The following RGS7BP variants were observed in gnomAD, a reference collection of about 807,000 sequenced individuals.
RGS7BP encodes the protein regulator of G protein signaling 7-binding protein.
In RGS7BP, 9 loss-of-function variants were observed where a neutral mutation model predicts 31.3. The ratio of observed to expected loss-of-function variants is 0.29; its 90% CI spans 0.17 to 0.50. The LOEUF (loss-of-function observed/expected upper bound fraction) is 0.50. RGS7BP is among the 20% of genes least tolerant of loss of function. The probability of loss-of-function intolerance (pLI) is 0.98; values close to 1 mark genes in which losing one functional copy is unlikely to be tolerated. For synonymous variants in RGS7BP, 115 were observed against 120.1 expected (o/e 0.96, Z 0.28); for missense variants, 274 against 322.0 (o/e 0.85, Z 1.14).
At chr5:64,572,936 T>C (rs1742332666) in intron 2 of RGS7BP, among the ~76,000 whole-genome samples, 1 of 149,992 alleles carries the variant, frequency 6.7e-6, no homozygotes, top group South Asian at 2.1e-4. Context: ...TCATTTAGCA[T>C]TAGGTATATC....
intron 2 of RGS7BP, among the ~76,000 whole-genome samples, chr5:64,535,118 A>G (rs749763131): frequency 6.6e-6 from 1 of 152,134 alleles, no homozygotes; most frequent in Non-Finnish European, 1.5e-5. Context: ...CCTTGACATG[A>G]GCAGCCAGAG....
chr5:64,609,135 T>C (rs559831741), intron 5 of RGS7BP, 26 bp from the exon 6 acceptor site: 1 of 1,447,706 alleles, frequency 6.9e-7, no homozygotes, highest in African/African-American at 1.4e-5. Flanking sequence ...ATACCTCACT[T>C]ATGTGCACAT....
At chr5:64,594,160 C>A (rs2111956735) in intron 3 of RGS7BP, among the ~76,000 whole-genome samples, 1 of 152,264 alleles carries the variant, frequency 6.6e-6, no homozygotes, top group African/African-American at 2.4e-5. Context: ...CAAGGTCAGG[C>A]TTTCTCCTCA....
chr5:64,526,715 C>A (rs1404915810), intron 2 of RGS7BP, among the ~76,000 whole-genome samples: 1 of 152,080 alleles, frequency 6.6e-6, no homozygotes, highest in Non-Finnish European at 1.5e-5. Context: ...ACTAATGGAA[C>A]CATTTAGACA....
intron 2 of RGS7BP, among the ~76,000 whole-genome samples, chr5:64,532,422 A>G (rs1749394975): frequency 6.6e-6 from 1 of 152,148 alleles, no homozygotes; most frequent in South Asian, 2.1e-4. Context: ...GAGGCAGAAT[A>G]GGCTTTAGAA....
chr5:64,561,644 T>A (rs1263583682), intron 2 of RGS7BP, among the ~76,000 whole-genome samples: 1 of 152,180 alleles, frequency 6.6e-6, no homozygotes, highest in Admixed American at 6.5e-5. Flanking sequence ...ATTATTATAT[T>A]TTGCTAATGC....
intron 2 of RGS7BP, among the ~76,000 whole-genome samples, chr5:64,552,528 C>T: frequency 6.6e-6 from 1 of 152,122 alleles, no homozygotes; most frequent in East Asian, 1.9e-4. Flanking sequence ...AGAACTGACT[C>T]GACATACCTA....
intron 5 of RGS7BP, among the ~76,000 whole-genome samples, chr5:64,607,193 A>G (rs1743385790): frequency 6.6e-6 from 1 of 152,118 alleles, no homozygotes; most frequent in Non-Finnish European, 1.5e-5. Context: ...CTTAGATGAC[A>G]CTTTATGTAA....
Position 64,594,723 on chromosome 5 carries a change from C to T in RGS7BP, c.477C>T (p.Gly159=), listed in dbSNP as rs368140574. 2.2e-5 allele frequency: 35 copies of T among 1,613,404 alleles called. No homozygotes were observed. In the East Asian group the frequency reaches 2.7e-4, roughly 12 times the overall value. The change falls in exon 4 of 6, where the codon GGC becomes GGT. Residue 159 remains glycine, a synonymous_variant. Coordinates refer to ENST00000334025, the MANE Select transcript of RGS7BP (RefSeq NM_001029875.3). ...TCCCTCCCTTAGGAAAGGAACCTGG[C>T]GGGGGAACCAAGAGTTTGGATTGCA... ...LQFHRKGKEP[G]GGTKSLDCKI...
intron 2 of RGS7BP, among the ~76,000 whole-genome samples, chr5:64,530,182 A>T (rs1351136848): frequency 6.6e-6 from 1 of 152,184 alleles, no homozygotes; most frequent in African/African-American, 2.4e-5. Flanking sequence ...AAAAAAACTT[A>T]TCTACTCATC....
intron 5 of RGS7BP, among the ~76,000 whole-genome samples, chr5:64,605,925 A>T (rs62372274): frequency 0.045 from 5,886 of 129,634 alleles, 185 homozygotes; most frequent in Middle Eastern, 0.057. Flanking sequence ...ACATATATAT[A>T]TGCTATATAT....
chr5:64,577,456 A>G lies in RGS7BP; in HGVS notation c.463+1552A>G, dbSNP rs372533155. ...CTCCATCTCGAAAAAAAAATAAAAA[A>G]TCTTGTGTACACATATACATATGCA... On this transcript the variant is annotated intron_variant, in intron 3 of 5. Transcript: ENST00000334025. Among the ~76,000 whole-genome samples, 50 of 152,246 alleles carry G rather than the reference A, an allele frequency of 3.3e-4. 1 individual carries two copies. In the East Asian group the frequency reaches 6.4e-3, roughly 19 times the overall value.
chr5:64,604,948 T>A (rs981448641), intron 5 of RGS7BP, among the ~76,000 whole-genome samples: 1 of 152,064 alleles, frequency 6.6e-6, no homozygotes, highest in Non-Finnish European at 1.5e-5. Context: ...GGTGGGAGTA[T>A]TGCTTGAGGC....
At chr5:64,536,217 G>T (rs573044602) in intron 2 of RGS7BP, among the ~76,000 whole-genome samples, 1 of 152,130 alleles carries the variant, frequency 6.6e-6, no homozygotes, top group East Asian at 1.9e-4. Flanking sequence ...GCCCATAGCC[G>T]TACCAGTAAA....
intron 2 of RGS7BP, among the ~76,000 whole-genome samples, chr5:64,527,372 T>G (rs921393161): frequency 6.6e-6 from 1 of 152,120 alleles, no homozygotes; most frequent in African/African-American, 2.4e-5. Context: ...CATGATATAT[T>G]TTTAAATCTC....
At chr5:64,577,640 G>A (rs1032862866) in intron 3 of RGS7BP, among the ~76,000 whole-genome samples, 7 of 152,200 alleles carry the variant, frequency 4.6e-5, no homozygotes, top group African/African-American at 1.7e-4. Context: ...AGAGAGATTA[G>A]CTCCTTGATA....
At chr5:64,550,107 T>G (rs374098015) in intron 2 of RGS7BP, among the ~76,000 whole-genome samples, 1 of 152,228 alleles carries the variant, frequency 6.6e-6, no homozygotes, top group East Asian at 1.9e-4. Flanking sequence ...GGCATGTACA[T>G]TGAAACTCTT....
At chr5:64,533,666 C>T (rs1218976594) in intron 2 of RGS7BP, among the ~76,000 whole-genome samples, 1 of 152,162 alleles carries the variant, frequency 6.6e-6, no homozygotes. Flanking sequence ...AAAGTATGTA[C>T]AAGAGACCCA....
chr5:64,527,232 G>T (rs1749253024), intron 2 of RGS7BP, among the ~76,000 whole-genome samples: 1 of 152,210 alleles, frequency 6.6e-6, no homozygotes, highest in Non-Finnish European at 1.5e-5. Context: ...GCAGCTGCCT[G>T]CCTGGTATAG....
Sources: gnomAD v4.1 joint callset for allele counts (sites outside exome capture counted in the v4.1 genomes callset) on GRCh38, gnomAD v4.1.1 for gene constraint, MANE v1.5 for transcripts, NCBI Gene and HGNC (gene_info 2026-07-23, HGNC 2026-07-21) for gene names.